PTPN2: variants seen among roughly 807,000 people sequenced by gnomAD.
PTPN2 encodes the protein protein tyrosine phosphatase non-receptor type 2.
A neutral mutation model predicts 57.3 loss-of-function variants in PTPN2; 19 were observed. The ratio of observed to expected loss-of-function variants is 0.33; its 90% CI spans 0.23 to 0.49. The LOEUF (loss-of-function observed/expected upper bound fraction) is 0.49, where lower values mean the gene tolerates loss of function less well. Among genes scored for constraint, PTPN2 ranks in the 20% least tolerant of loss-of-function variants. The probability of loss-of-function intolerance (pLI) is 0.99; values close to 1 mark genes in which losing one functional copy is unlikely to be tolerated. For synonymous variants in PTPN2, 153 were observed against 164.9 expected (o/e 0.93, Z 0.55); for missense variants, 358 against 501.1 (o/e 0.71, Z 2.73).
intron 8 of PTPN2, among the ~76,000 whole-genome samples, chr18:12,800,303 T>A (rs937108304): frequency 6.6e-6 from 1 of 152,146 alleles, no homozygotes; most frequent in Non-Finnish European, 1.5e-5. Context: ...ATACTAAGAA[T>A]GCCATTTCAG....
chr18:12,880,715 C>T (rs1193357618), intron 1 of PTPN2: 1 of 152,284 alleles, frequency 6.6e-6, no homozygotes, highest in African/African-American at 2.4e-5. Flanking sequence ...CTCCACCCAT[C>T]CTTTTAAATG....
chr18:12,803,700 A>C (rs2041513811), intron 7 of PTPN2, among the ~76,000 whole-genome samples: 1 of 152,232 alleles, frequency 6.6e-6, no homozygotes, highest in Non-Finnish European at 1.5e-5. Context: ...ATCTATGCAC[A>C]CAACACTGGT....
intron 1 of PTPN2, among the ~76,000 whole-genome samples, chr18:12,870,341 ACATATATATGTG>A (rs2044170297): frequency 5.3e-5 from 2 of 37,578 alleles, no homozygotes; most frequent in African/African-American, 1.4e-4. Flanking sequence ...GTATATATAT[ACATATATATGTG>A]TATATATATG....
At chr18:12,825,666 C>G (rs994025676) in intron 5 of PTPN2, 144 bp downstream of exon 5, 78 of 656,006 alleles carry the variant, frequency 1.2e-4, no homozygotes, top group Admixed American at 1.4e-4. Context: ...GATGCAGACA[C>G]ACAATCTAAA....
At chr18:12,880,230 G>A (rs1016627584) in intron 1 of PTPN2, among the ~76,000 whole-genome samples, 4 of 152,154 alleles carry the variant, frequency 2.6e-5, no homozygotes, top group Non-Finnish European at 4.4e-5. Flanking sequence ...GCCCTAAGGG[G>A]AGAATGGACA....
intron 7 of PTPN2, among the ~76,000 whole-genome samples, chr18:12,807,361 A>C (rs935304164): frequency 2.6e-5 from 4 of 151,754 alleles, no homozygotes; most frequent in Non-Finnish European, 5.9e-5. Context: ...CATCTTGGAA[A>C]ACAGCATAAA....
chr18:12,822,865 T>G (rs2042317603), intron 5 of PTPN2, among the ~76,000 whole-genome samples: 1 of 152,212 alleles, frequency 6.6e-6, no homozygotes, highest in Non-Finnish European at 1.5e-5. Context: ...AAGGTAATTG[T>G]GGCTCCCGCA....
At position 12,825,805 on chromosome 18, in the gene PTPN2, C is replaced by T; in HGVS notation, c.495+5G>A. The T allele has an allele frequency of 6.2e-7, 1 of 1,602,600 alleles. No homozygotes were observed. Among genetic ancestry groups the T allele is most frequent in the Non-Finnish European group, 8.5e-7 (1 of 1,175,510 alleles). On this transcript the variant is annotated splice_donor_5th_base_variant and intron_variant, in intron 5 of 8. Transcript: ENST00000309660. ...GTCCACAATTTCGGGCAAGAAAGGT[C>T]TTACATTGATATTTTCTAATTGTAG...
chr18:12,831,454 T>C (rs2042666643), intron 3 of PTPN2, among the ~76,000 whole-genome samples: 1 of 152,210 alleles, frequency 6.6e-6, no homozygotes, highest in Non-Finnish European at 1.5e-5. Context: ...AAGGTGGCTA[T>C]AGTATTCATG....
At chr18:12,870,500 A>AGAGAG (rs765653644) in intron 1 of PTPN2, among the ~76,000 whole-genome samples, 15 of 52,742 alleles carry the variant, frequency 2.8e-4, no homozygotes, top group Non-Finnish European at 4.4e-4. Flanking sequence ...GAGAGAGAGA[A>AGAGAG]AAGCGTGTTG....
chr18:12,861,578 G>T (rs1313435625), intron 1 of PTPN2, among the ~76,000 whole-genome samples: 1 of 152,172 alleles, frequency 6.6e-6, no homozygotes, highest in Non-Finnish European at 1.5e-5. Flanking sequence ...CTTCATAAAG[G>T]TATGCTAAAG....
At chr18:12,865,256 G>C (rs944892842) in intron 1 of PTPN2, among the ~76,000 whole-genome samples, 1 of 151,902 alleles carries the variant, frequency 6.6e-6, no homozygotes. Context: ...AACACAGACA[G>C]ACCCCCATCT....
intron 2 of PTPN2, 29 bp from the exon 3 acceptor site, chr18:12,836,920 T>C (rs111920401): frequency 3.0e-6 from 4 of 1,349,790 alleles, no homozygotes; most frequent in East Asian, 2.3e-5. Flanking sequence ...AAACCACAAC[T>C]GTCATTTCAA....
At chr18:12,785,527 T>C in exon 10 of PTPN2, 1 of 447,056 alleles carries the variant, frequency 2.2e-6, no homozygotes, top group Non-Finnish European at 3.9e-6. Context: ...AAAAATACAG[T>C]AGGAATGGCA....
chr18:12,816,165 T>C (rs1043381920), intron 6 of PTPN2, among the ~76,000 whole-genome samples: 1 of 151,864 alleles, frequency 6.6e-6, no homozygotes, highest in African/African-American at 2.4e-5. Flanking sequence ...CAAAAACTAG[T>C]TGGGTGTGGT....
chr18:12,872,051 AAAAAAAAC>A (rs531902236), intron 1 of PTPN2, among the ~76,000 whole-genome samples: 15,367 of 138,922 alleles, frequency 0.11, 965 homozygotes, highest in Non-Finnish European at 0.16. Flanking sequence ...TCTGTCTCAA[AAAAAAAAC>A]AAAAAAACAA....
In PTPN2 at chr18:12,859,235, T is replaced by C. The variant is rs917217934; in HGVS notation, c.89A>G (p.His30Arg). Residue 30 changes from histidine to arginine, a missense_variant, in exon 2 of 9, where the codon CAT becomes CGT. His to Arg is a conservative substitution (Grantham distance 29, BLOSUM62 0). This residue lies in a region of PTPN2 where 62 missense variants were observed against 47.9 expected (regional missense o/e 1.29). Coordinates refer to ENST00000309660, the MANE Select transcript of PTPN2 (RefSeq NM_002828.4). ...CTTGGCCACTCTATGAGGATAGTCA[T>C]GGGACTCATTTCGAATTTCCTTAAA... Reference protein sequence around the residue: ...PLYLEIRNESHDYPHRVAKFP... With the variant: ...PLYLEIRNESRDYPHRVAKFP... 6.2e-7 allele frequency: 1 copy of C among 1,611,958 alleles called. No individual in the cohort carries two copies. Among genetic ancestry groups the C allele is most frequent in the Middle Eastern group, 1.7e-4 (1 of 6,006 alleles).
chr18:12,847,092 T>C (rs1256412830), intron 2 of PTPN2, among the ~76,000 whole-genome samples: 4 of 147,734 alleles, frequency 2.7e-5, no homozygotes, highest in African/African-American at 9.9e-5. Context: ...CACAATGTAA[T>C]AGGACAGAAA....
In PTPN2 at chr18:12,793,891, T is replaced by TA; in HGVS notation, c.*386dup. ...GTCATTTTCTTTCCAATAACGTAGA[T>TA]AAAACCACAATATTTATTGCTTATA... On this transcript the variant is annotated 3_prime_UTR_variant, in exon 9 of 9. Coordinates refer to ENST00000309660, the MANE Select transcript of PTPN2 (RefSeq NM_002828.4). 9.4e-7 allele frequency: 1 copy of TA among 1,063,208 alleles called. No homozygotes were observed. The allele number at this position is 1,063,208 out of a possible 1,614,324, so 65.9% of individuals were successfully genotyped here.
Sources: allele counts gnomAD v4.1 joint callset (sites outside exome capture counted in the v4.1 genomes callset), GRCh38; gene constraint gnomAD v4.1.1; regional missense constraint gnomAD v4.1.1; transcripts MANE v1.5; gene names NCBI Gene and HGNC (gene_info 2026-07-23, HGNC 2026-07-21).